Variants in SLC4A4 observed in about 807,000 individuals in gnomAD.
SLC4A4 encodes solute carrier family 4 member 4, also known as electrogenic sodium bicarbonate cotransporter 1.
In SLC4A4, 27 loss-of-function variants were observed where a neutral mutation model predicts 111.5. The observed-to-expected ratio is 0.24, with a 90% CI of 0.18 to 0.33. The LOEUF is 0.33. Among genes scored for constraint, SLC4A4 ranks in the 10% least tolerant of loss-of-function variants. The pLI, the probability that SLC4A4 is intolerant of heterozygous loss-of-function variation, is 1.00. For missense variants in SLC4A4, 909 were observed against 1,315.5 expected, an observed-to-expected ratio of 0.69 and a Z score of 4.78; for synonymous variants, 443 against 463.4, an observed-to-expected ratio of 0.96 and a Z score of 0.57.
At chr4:71,156,834 C>G (rs529529792) in intron 2 of SLC4A4, among the ~76,000 whole-genome samples, 1 of 152,114 alleles carries the variant, frequency 6.6e-6, no homozygotes, top group Admixed American at 6.6e-5. Context: ...GCTGAGGTGA[C>G]GATTCTTTTC....
chr4:71,410,685 C>T (rs1299148208), intron 7 of SLC4A4, among the ~76,000 whole-genome samples: 2 of 152,042 alleles, frequency 1.3e-5, no homozygotes, highest in Non-Finnish European at 2.9e-5. Flanking sequence ...AATACATTTT[C>T]AATTTTTGGA....
chr4:71,126,983 T>C (rs572360278), intron 2 of SLC4A4, among the ~76,000 whole-genome samples: 2 of 152,346 alleles, frequency 1.3e-5, no homozygotes, highest in East Asian at 3.9e-4. Context: ...GGATGGCTAA[T>C]GATAACTTAA....
At chr4:71,196,201 G>A (rs1745992278) in intron 1 of SLC4A4, among the ~76,000 whole-genome samples, 1 of 152,180 alleles carries the variant, frequency 6.6e-6, no homozygotes, top group Admixed American at 6.5e-5. Flanking sequence ...GAGCACTCAC[G>A]ATGTTAGCAG....
At chr4:71,176,249 G>A (rs113673958) in intron 2 of SLC4A4, among the ~76,000 whole-genome samples, 256 of 152,232 alleles carry the variant, frequency 1.7e-3, no homozygotes, top group African/African-American at 6.0e-3. Flanking sequence ...CAGAAACACT[G>A]GAAACTCTAA....
intron 1 of SLC4A4, among the ~76,000 whole-genome samples, chr4:71,086,932 G>A (rs527376310): frequency 5.3e-4 from 81 of 152,110 alleles, no homozygotes; most frequent in South Asian, 4.6e-3. Context: ...AATGAGTTAG[G>A]GAGGATTCCC....
intron 6 of SLC4A4, among the ~76,000 whole-genome samples, chr4:71,394,672 A>G (rs554159776): frequency 6.6e-6 from 1 of 152,214 alleles, no homozygotes; most frequent in East Asian, 1.9e-4. Context: ...TGAGGAACCA[A>G]CTCGAATGCC....
intron 1 of SLC4A4, among the ~76,000 whole-genome samples, chr4:71,062,881 G>C (rs1741425810): frequency 6.6e-6 from 1 of 152,164 alleles, no homozygotes; most frequent in Admixed American, 6.5e-5. Context: ...TTAATTAGGG[G>C]TGAGGAAGCG....
At chr4:71,441,752 T>A (rs1724736007) in intron 8 of SLC4A4, among the ~76,000 whole-genome samples, 1 of 152,210 alleles carries the variant, frequency 6.6e-6, no homozygotes, top group South Asian at 2.1e-4. Context: ...ATTCATAGAT[T>A]GCAGGCTATT....
intron 2 of SLC4A4, among the ~76,000 whole-genome samples, chr4:71,133,575 C>G (rs1040394642): frequency 1.3e-5 from 2 of 152,320 alleles, no homozygotes; most frequent in Non-Finnish European, 1.5e-5. Flanking sequence ...TTATGGCTGC[C>G]TTCCTCCAGA....
intron 4 of SLC4A4, among the ~76,000 whole-genome samples, chr4:71,348,857 A>G (rs1032882562): frequency 6.6e-5 from 10 of 152,048 alleles, no homozygotes; most frequent in Non-Finnish European, 1.5e-5. Context: ...GAGTTAGGTG[A>G]GCGTTTAGCT....
chr4:71,252,805 T>G (rs1009479217), intron 2 of SLC4A4, among the ~76,000 whole-genome samples: 3 of 152,142 alleles, frequency 2.0e-5, no homozygotes, highest in African/African-American at 7.2e-5. Context: ...GTGGAAATGT[T>G]CTAAAATTGG....
intron 1 of SLC4A4, among the ~76,000 whole-genome samples, chr4:71,226,241 C>T (rs542733962): frequency 6.6e-6 from 1 of 152,314 alleles, no homozygotes; most frequent in East Asian, 1.9e-4. Flanking sequence ...AGCTCCTGGG[C>T]TCAAGCAGTC....
intron 3 of SLC4A4, among the ~76,000 whole-genome samples, chr4:71,296,198 TAA>T (rs1724774963): frequency 6.6e-6 from 1 of 151,808 alleles, no homozygotes; most frequent in African/African-American, 2.4e-5. Flanking sequence ...ATATGGAAAA[TAA>T]AAAGCTATAT....
intron 7 of SLC4A4, among the ~76,000 whole-genome samples, chr4:71,420,864 C>T (rs1722389931): frequency 2.0e-5 from 3 of 149,946 alleles, no homozygotes; most frequent in African/African-American, 7.3e-5. Flanking sequence ...ACAACCGGTA[C>T]CAGCCGCTGC....
At chr4:71,373,131 C>A (rs1000224966) in intron 6 of SLC4A4, among the ~76,000 whole-genome samples, 2 of 152,108 alleles carry the variant, frequency 1.3e-5, no homozygotes, top group Non-Finnish European at 2.9e-5. Flanking sequence ...CCAGAGAATT[C>A]ACTTTAACAA....
intron 1 of SLC4A4, among the ~76,000 whole-genome samples, chr4:71,221,336 T>A (rs1718732525): frequency 6.6e-6 from 1 of 152,198 alleles, no homozygotes. Flanking sequence ...TAAATTGGGA[T>A]GTAACGTCCT....
At chr4:71,538,245 A>G (rs1734742176) in intron 18 of SLC4A4, among the ~76,000 whole-genome samples, 1 of 152,172 alleles carries the variant, frequency 6.6e-6, no homozygotes, top group Admixed American at 6.5e-5. Flanking sequence ...TTCAGAATTT[A>G]GAATTTCGGA....
intron 12 of SLC4A4, among the ~76,000 whole-genome samples, chr4:71,457,352 C>T (rs1213686899): frequency 6.6e-6 from 1 of 152,150 alleles, no homozygotes; most frequent in African/African-American, 2.4e-5. Context: ...GCTTGGCGTA[C>T]ACATTTTGCC....
intron 1 of SLC4A4, among the ~76,000 whole-genome samples, chr4:71,226,930 A>G (rs1348187381): frequency 1.3e-5 from 2 of 152,020 alleles, no homozygotes; most frequent in Non-Finnish European, 2.9e-5. Context: ...ACTATGCTTG[A>G]TACTAGAGGT....
Sources: allele counts gnomAD v4.1 joint callset (sites outside exome capture counted in the v4.1 genomes callset), GRCh38; gene constraint gnomAD v4.1.1; transcripts MANE v1.5; gene names NCBI Gene and HGNC (gene_info 2026-07-23, HGNC 2026-07-21).